Variants in BTG4 observed in about 807,000 individuals in gnomAD.
BTG4 encodes the protein protein BTG4.
A neutral mutation model predicts 19.3 loss-of-function variants in BTG4; 10 were observed. The observed-to-expected ratio is 0.52, with a 90% CI of 0.32 to 0.88. The LOEUF is 0.88. BTG4 is among the 40% of genes least tolerant of loss of function. The pLI is 0.04. For synonymous variants in BTG4, 91 were observed against 95.7 expected, an observed-to-expected ratio of 0.95 and a Z score of 0.29; for missense variants, 238 against 281.9, an observed-to-expected ratio of 0.84 and a Z score of 1.11.
the BTG4 span, among the ~76,000 whole-genome samples, chr11:111,395,921 A>T: frequency 8.1e-4 from 124 of 152,294 alleles, 1 homozygote; most frequent in Non-Finnish European, 1.6e-3. Context: ...CAGCCCCTCA[A>T]CCTGGTCCAC....
the BTG4 span, chr11:111,417,730 G>T: frequency 1.3e-5 from 2 of 152,128 alleles, no homozygotes; most frequent in African/African-American, 4.8e-5. Context: ...GATCAGTTTG[G>T]GTGTTCTCCA....
At chr11:111,406,794 G>A in the BTG4 span, among the ~76,000 whole-genome samples, 1 of 152,198 alleles carries the variant, frequency 6.6e-6, no homozygotes, top group African/African-American at 2.4e-5. Flanking sequence ...CAGACCTGAA[G>A]CAAGGCGTTG....
the BTG4 span, among the ~76,000 whole-genome samples, chr11:111,440,544 C>T: frequency 6.6e-6 from 1 of 152,224 alleles, no homozygotes; most frequent in Non-Finnish European, 1.5e-5. Flanking sequence ...AACCAACATC[C>T]TACCCCTGGG....
the BTG4 span, among the ~76,000 whole-genome samples, chr11:111,426,172 T>TATACC: frequency 2.6e-5 from 4 of 152,054 alleles, no homozygotes; most frequent in Non-Finnish European, 4.4e-5. Flanking sequence ...ATGTGGGGTA[T>TATACC]GCTCAGTGTC....
chr11:111,477,013 C>T (rs2135555437), intron 5 of BTG4, among the ~76,000 whole-genome samples: 1 of 152,248 alleles, frequency 6.6e-6, no homozygotes, highest in South Asian at 2.1e-4. Flanking sequence ...AGTCCAGGGC[C>T]CCTGGGAGAG....
At chr11:111,423,193 C>A in the BTG4 span, among the ~76,000 whole-genome samples, 1 of 152,168 alleles carries the variant, frequency 6.6e-6, no homozygotes, top group African/African-American at 2.4e-5. Context: ...ACCGCAGTGA[C>A]AGAGCTCCCC....
chr11:111,454,357 G>A, the BTG4 span: 2 of 453,366 alleles, frequency 4.4e-6, no homozygotes, highest in Admixed American at 2.4e-5. Context: ...CGAAGGAAGA[G>A]GTAACTGGCA....
the BTG4 span, among the ~76,000 whole-genome samples, chr11:111,432,010 C>CA: frequency 1.4e-5 from 2 of 147,080 alleles, no homozygotes; most frequent in African/African-American, 5.3e-5. Context: ...GTCAGAATTA[C>CA]AAAAAAATAG....
the BTG4 span, chr11:111,417,268 G>C: frequency 6.6e-6 from 1 of 152,334 alleles, no homozygotes; most frequent in Admixed American, 6.5e-5. Context: ...CTTGGCTTCT[G>C]TCAGTCACAG....
upstream of BTG4, chr11:111,512,391 C>G (rs973505124): frequency 1.3e-5 from 2 of 151,732 alleles, no homozygotes; most frequent in African/African-American, 4.8e-5. Flanking sequence ...CTCCTCCCCC[C>G]CCCCATCCCC....
At chr11:111,437,798 G>C in the BTG4 span, among the ~76,000 whole-genome samples, 18 of 152,248 alleles carry the variant, frequency 1.2e-4, no homozygotes, top group East Asian at 3.3e-3. Flanking sequence ...ACTCTGCCCA[G>C]TTTCTCGTGT....
the BTG4 span, among the ~76,000 whole-genome samples, chr11:111,406,390 G>A: frequency 1.3e-5 from 2 of 152,216 alleles, no homozygotes; most frequent in African/African-American, 2.4e-5. Flanking sequence ...CCACTGGATA[G>A]GATACAGAGC....
the BTG4 span, among the ~76,000 whole-genome samples, chr11:111,395,090 A>C: frequency 4.6e-5 from 7 of 152,374 alleles, no homozygotes; most frequent in East Asian, 1.3e-3. Flanking sequence ...TTCCTGGAGC[A>C]GAGAGGGCAG....
the BTG4 span, among the ~76,000 whole-genome samples, chr11:111,401,647 T>C: frequency 6.6e-6 from 1 of 152,214 alleles, no homozygotes; most frequent in Non-Finnish European, 1.5e-5. Context: ...CAAAAAAAAT[T>C]TGTCAACTAG....
At chr11:111,441,011 C>T in the BTG4 span, among the ~76,000 whole-genome samples, 1 of 152,162 alleles carries the variant, frequency 6.6e-6, no homozygotes, top group Non-Finnish European at 1.5e-5. Context: ...ACCAGCTGCA[C>T]TTTCCCAGGC....
At chr11:111,501,127 G>T (rs1422271768) in intron 1 of BTG4, among the ~76,000 whole-genome samples, 2 of 151,920 alleles carry the variant, frequency 1.3e-5, no homozygotes, top group Admixed American at 6.6e-5. Flanking sequence ...CAAACACTTT[G>T]GTCCCAGGCG....
At chr11:111,505,180 C>A (rs1206212969) in intron 1 of BTG4, among the ~76,000 whole-genome samples, 4 of 151,974 alleles carry the variant, frequency 2.6e-5, no homozygotes, top group Non-Finnish European at 5.9e-5. Context: ...GCAAAAAGAA[C>A]AGAGTCAGAG....
downstream of BTG4, among the ~76,000 whole-genome samples, chr11:111,494,617 G>C (rs1865606573): frequency 6.6e-6 from 1 of 152,154 alleles, no homozygotes; most frequent in South Asian, 2.1e-4. Context: ...GCAAGTGGTA[G>C]AGGGTGAGGG....
At chr11:111,450,620 C>T in the BTG4 span, 1 of 152,230 alleles carries the variant, frequency 6.6e-6, no homozygotes, top group Non-Finnish European at 1.5e-5. Flanking sequence ...AATTCTGACC[C>T]CCCTCAATGT....
Sources: allele counts gnomAD v4.1 joint callset (sites outside exome capture counted in the v4.1 genomes callset), GRCh38; gene constraint gnomAD v4.1.1; transcripts MANE v1.5; gene names NCBI Gene and HGNC (gene_info 2026-07-23, HGNC 2026-07-21).